The following PRKDC variants were observed in gnomAD, a reference collection of about 807,000 sequenced individuals.
PRKDC encodes DNA-dependent protein kinase catalytic subunit.
A neutral mutation model predicts 486.9 loss-of-function variants in PRKDC; 82 were observed. The observed-to-expected ratio is 0.17, with a 90% CI of 0.14 to 0.20. PRKDC has a LOEUF of 0.20. PRKDC is among the 10% of genes least tolerant of loss of function. PRKDC has a pLI of 1.00. For missense variants in PRKDC, 4,504 were observed against 5,038.2 expected (o/e 0.89, Z 3.21); for synonymous variants, 1,895 against 1,837.0 (o/e 1.03, Z -0.81).
intron 7 of PRKDC, among the ~76,000 whole-genome samples, chr8:47,944,494 A>C (rs2090498089): frequency 6.6e-6 from 1 of 151,834 alleles, no homozygotes; most frequent in Admixed American, 6.6e-5. Flanking sequence ...TAAAAAAAAA[A>C]AAAAAACAGA....
rs2086620367 is a variant in PRKDC at position 47,776,994 on chromosome 8, A to G, written c.12043-11T>C. On this transcript the variant is annotated splice_polypyrimidine_tract_variant and intron_variant, in intron 84 of 85. Coordinates refer to ENST00000314191, the MANE Select transcript of PRKDC (RefSeq NM_006904.7). ...TTTCTGTTCAAAATTCTAGAAGAAA[A>G]GAACATGATTTTCCCGGCTGATCAT... is the stretch of plus-strand genomic sequence containing the variant. 6.2e-7 allele frequency: 1 copy of G among 1,606,862 alleles called. No individual in the cohort carries two copies. The highest frequency in any genetic ancestry group is 8.5e-7 in the Non-Finnish European group (1 of 1,177,936).
chr8:47,892,201 AC>A (rs1225060622), intron 31 of PRKDC, among the ~76,000 whole-genome samples: 1 of 152,154 alleles, frequency 6.6e-6, no homozygotes, highest in African/African-American at 2.4e-5. Flanking sequence ...TAAAATCTAT[AC>A]GTACAAAAAT....
intron 40 of PRKDC, among the ~76,000 whole-genome samples, chr8:47,866,134 C>A (rs1403156350): frequency 4.7e-5 from 5 of 105,506 alleles, no homozygotes; most frequent in Non-Finnish European, 5.4e-5. Flanking sequence ...CCTGCCTGGG[C>A]AACAATAGAG....
At chr8:47,880,639 ATTATT>A (rs1368790283) in intron 38 of PRKDC, among the ~76,000 whole-genome samples, 2 of 152,234 alleles carry the variant, frequency 1.3e-5, no homozygotes, top group African/African-American at 2.4e-5. Context: ...AAATTTTTAT[ATTATT>A]TTAATAGAAA....
chr8:47,862,810 G>A (rs982678107), intron 42 of PRKDC, among the ~76,000 whole-genome samples: 1 of 152,022 alleles, frequency 6.6e-6, no homozygotes, highest in Non-Finnish European at 1.5e-5. Context: ...AGGAAGCAAG[G>A]AGGACAGACA....
At chr8:47,807,705 A>T (rs2087245498) in intron 68 of PRKDC, among the ~76,000 whole-genome samples, 1 of 148,074 alleles carries the variant, frequency 6.8e-6, no homozygotes, top group Non-Finnish European at 1.5e-5. Context: ...GGCGTGAGCC[A>T]CCGCACCCGG....
intron 81 of PRKDC, 64 bp downstream of exon 81, chr8:47,778,936 AAAAG>A (rs1217978016): frequency 6.9e-7 from 1 of 1,456,570 alleles, no homozygotes; most frequent in African/African-American, 1.4e-5. Context: ...GCTAAGAATC[AAAAG>A]AAAACATGCA....
chr8:47,909,838 T>A (rs1190081694), intron 25 of PRKDC, among the ~76,000 whole-genome samples: 1 of 152,202 alleles, frequency 6.6e-6, no homozygotes, highest in East Asian at 1.9e-4. Context: ...AATTCCAGCC[T>A]GGTAAATTCT....
intron 85 of PRKDC, among the ~76,000 whole-genome samples, chr8:47,776,006 T>C (rs1418316460): frequency 6.6e-6 from 1 of 152,076 alleles, no homozygotes; most frequent in Non-Finnish European, 1.5e-5. Flanking sequence ...GTATTTTTAG[T>C]AGAGATGGGG....
intron 7 of PRKDC, among the ~76,000 whole-genome samples, chr8:47,948,140 G>GCA (rs1296056252): frequency 1.3e-5 from 2 of 149,498 alleles, no homozygotes; most frequent in Non-Finnish European, 3.0e-5. Context: ...TTATATATAT[G>GCA]TATATATATA....
At chr8:47,890,602 A>G (rs1018103804) in intron 31 of PRKDC, 122 bp from the exon 32 acceptor site, 1 of 639,000 alleles carries the variant, frequency 1.6e-6, no homozygotes, top group African/African-American at 1.8e-5. Context: ...AAATTTTTCA[A>G]AAGAAACAAA....
chr8:47,916,243 C>T (rs149531653), intron 22 of PRKDC, among the ~76,000 whole-genome samples: 35 of 152,084 alleles, frequency 2.3e-4, no homozygotes, highest in South Asian at 1.2e-3. Context: ...GTCAGGAGTT[C>T]GAGACCAGCC....
intron 30 of PRKDC, 61 bp downstream of exon 30, chr8:47,897,100 C>T: frequency 1.4e-6 from 2 of 1,465,570 alleles, no homozygotes; most frequent in East Asian, 2.3e-5. Context: ...TTCTTCTTTA[C>T]TTCTTTTAAA....
chr8:47,921,338 C>G (rs941454462), intron 21 of PRKDC, among the ~76,000 whole-genome samples: 2 of 151,970 alleles, frequency 1.3e-5, no homozygotes, highest in African/African-American at 4.8e-5. Flanking sequence ...CTTTTTATTT[C>G]CCAAGTAATT....
intron 22 of PRKDC, 127 bp from the exon 23 acceptor site, chr8:47,915,545 TG>T (rs1467289665): frequency 5.2e-6 from 3 of 578,294 alleles, no homozygotes; most frequent in Non-Finnish European, 8.9e-6. Context: ...CCAAACTTTT[TG>T]GCAGGATCCT....
chr8:47,832,676 G>A (rs1021692173), intron 59 of PRKDC, among the ~76,000 whole-genome samples: 1 of 152,204 alleles, frequency 6.6e-6, no homozygotes, highest in African/African-American at 2.4e-5. Flanking sequence ...TCACGCAGGT[G>A]AGATATCTAA....
intron 29 of PRKDC, 45 bp downstream of exon 29, chr8:47,898,425 T>C (rs983424449): frequency 3.4e-6 from 5 of 1,449,952 alleles, no homozygotes; most frequent in East Asian, 5.0e-5. Context: ...TGTGAATTAG[T>C]TTTATGTTGT....
At chr8:47,884,230 C>G (rs959908235) in intron 36 of PRKDC, among the ~76,000 whole-genome samples, 3 of 152,336 alleles carry the variant, frequency 2.0e-5, no homozygotes, top group Admixed American at 2.0e-4. Flanking sequence ...GGATCAGACC[C>G]CCAGCAGCAG....
rs745322761 is a variant in PRKDC at position 47,857,137 on chromosome 8, A to C, written c.6609+19T>G. ...GGCAAAGGATAATATATTAACATAA[A>C]AGATGCATCAATCCTTACTGTTGGA... On this transcript the variant is annotated intron_variant, in intron 49 of 85. Transcript: ENST00000314191. 3 of 1,609,514 alleles carry C rather than the reference A, an allele frequency of 1.9e-6. No individual in the cohort carries two copies. The Admixed American group carries it at 5.1e-5, about 27-fold the overall frequency.
Sources: gnomAD v4.1 joint callset for allele counts (sites outside exome capture counted in the v4.1 genomes callset) on GRCh38, gnomAD v4.1.1 for gene constraint, MANE v1.5 for transcripts, NCBI Gene and HGNC (gene_info 2026-07-23, HGNC 2026-07-21) for gene names.